KCNN3: variants seen among roughly 807,000 people sequenced by gnomAD.
KCNN3 encodes small conductance calcium-activated potassium channel protein 3.
Under a neutral mutation model 62.9 loss-of-function variants are expected in KCNN3, and 16 were observed. The ratio of observed to expected loss-of-function variants is 0.25; its 90% CI spans 0.17 to 0.39. KCNN3 has a LOEUF of 0.39. Ranked by LOEUF, KCNN3 falls within the 10% of genes least tolerant of loss-of-function variation. The pLI is 1.00. For missense variants in KCNN3, 599 were observed against 949.4 expected (o/e 0.63, Z 4.85); for synonymous variants, 370 against 389.2 (o/e 0.95, Z 0.58).
chr1:154,798,347 A>C (rs1649815078), intron 2 of KCNN3, among the ~76,000 whole-genome samples: 1 of 152,250 alleles, frequency 6.6e-6, no homozygotes, highest in Non-Finnish European at 1.5e-5. Flanking sequence ...GCTCAGGAAC[A>C]TCATTATCCC....
Position 154,756,518 on chromosome 1 carries a change from C to T in KCNN3, c.1448+15457G>A, listed in dbSNP as rs562652515. Among the ~76,000 whole-genome samples the T allele has an allele frequency of 3.7e-3, 558 of 152,078 alleles. 2 individuals are homozygous for T. The highest frequency in any genetic ancestry group is 0.013 in the African/African-American group (540 of 41,470). On this transcript the variant is annotated intron_variant, in intron 3 of 7. Coordinates refer to ENST00000271915, the MANE Select transcript of KCNN3 (RefSeq NM_002249.6). ...CATCTGTTTACTCTCCTTCCAGTGA[C>T]TCCTTCCCCCCGGCTCCTTGCCAGC...
intron 2 of KCNN3, among the ~76,000 whole-genome samples, chr1:154,816,116 T>G (rs1650652660): frequency 6.6e-6 from 1 of 152,238 alleles, no homozygotes; most frequent in Non-Finnish European, 1.5e-5. Flanking sequence ...ATATACCTAA[T>G]AAATTAAAAG....
At chr1:154,801,203 T>C (rs1276194706) in intron 2 of KCNN3, among the ~76,000 whole-genome samples, 2 of 152,118 alleles carry the variant, frequency 1.3e-5, no homozygotes, top group South Asian at 2.1e-4. Context: ...CTGCTTCTTT[T>C]CTCACTGTCC....
At chr1:154,800,916 G>A (rs1435414144) in intron 2 of KCNN3, among the ~76,000 whole-genome samples, 1 of 152,004 alleles carries the variant, frequency 6.6e-6, no homozygotes, top group African/African-American at 2.4e-5. Flanking sequence ...ATGATTGTGC[G>A]CGCCTGTAGT....
chr1:154,807,342 C>T lies in KCNN3; in HGVS notation c.1029+14747G>A, dbSNP rs184769304. ...CTGGGGCAAGTCATTCCCTCTACAG[C>T]GCCAGCTGCTCCTTCCCAAGCCACG... On this transcript the variant is annotated intron_variant, in intron 2 of 7. Transcript: ENST00000271915. Among the ~76,000 whole-genome samples the T allele has an allele frequency of 5.3e-4, 80 of 152,324 alleles. 1 individual carries two copies. The South Asian group carries it at 0.013, about 24-fold the overall frequency.
intron 2 of KCNN3, among the ~76,000 whole-genome samples, chr1:154,792,786 T>C (rs1057409667): frequency 6.6e-6 from 1 of 152,220 alleles, no homozygotes; most frequent in African/African-American, 2.4e-5. Context: ...GATTGACCTA[T>C]ATGGGCTCCG....
chr1:154,763,887 T>C (rs902541195), intron 3 of KCNN3, among the ~76,000 whole-genome samples: 2 of 152,256 alleles, frequency 1.3e-5, no homozygotes, highest in Non-Finnish European at 2.9e-5. Flanking sequence ...AAAATTCAGA[T>C]TATCAATCTC....
Position 154,704,613 on chromosome 1 carries a change from C to A in KCNN3, c.*3363G>T, listed in dbSNP as rs1699929145. 1 of 152,000 alleles carries A rather than the reference C, an allele frequency of 6.6e-6. No individual in the cohort carries two copies. Among genetic ancestry groups the A allele is most frequent in the African/African-American group, 2.4e-5 (1 of 41,352 alleles). The allele number at this position is 152,000 out of a possible 1,614,324, so 9.4% of individuals were successfully genotyped here. On this transcript the variant is annotated 3_prime_UTR_variant, in exon 8 of 8. Transcript: ENST00000271915. ...GGTTCTGTATTTCTAATTCAAGTGT[C>A]TAGATATTTTAGGAATATTAGAGTG...
At chr1:154,843,956 G>T (rs1174900816) in intron 1 of KCNN3, among the ~76,000 whole-genome samples, 1 of 152,148 alleles carries the variant, frequency 6.6e-6, no homozygotes, top group Non-Finnish European at 1.5e-5. Context: ...CCCCTGCCTC[G>T]GTGACTGCCC....
rs762538924 is a variant in KCNN3 at position 154,809,854 on chromosome 1, A to G, written c.1029+12235T>C. ...GGGGTTTTAGTAAATATTCAATTCA[A>G]TATAAACTAACAGGCTACCATGAAA... On this transcript the variant is annotated intron_variant, in intron 2 of 7. Transcript: ENST00000271915. The surrounding 1 kb of genome is among the most constrained non-coding windows in gnomAD (Gnocchi z 4.3). 7.9e-5 allele frequency among the ~76,000 whole-genome samples: 12 copies of G among 152,220 alleles called. No homozygotes were observed. The highest frequency in any genetic ancestry group is 1.5e-4 in the Non-Finnish European group (10 of 68,042).
chr1:154,732,930 A>G (rs1557947511), intron 4 of KCNN3, 73 bp downstream of exon 4: 3 of 1,566,784 alleles, frequency 1.9e-6, no homozygotes, highest in Non-Finnish European at 1.8e-6. Context: ...GAAGGCCCCT[A>G]TGTGCTTGCA....
intron 3 of KCNN3, among the ~76,000 whole-genome samples, chr1:154,748,290 C>G (rs553263039): frequency 2.0e-5 from 3 of 152,142 alleles, no homozygotes; most frequent in East Asian, 1.9e-4. Flanking sequence ...GTCTGCCGCC[C>G]GCGCCTGCAA....
chr1:154,723,834 G>A (rs1571212913), intron 5 of KCNN3, among the ~76,000 whole-genome samples: 1 of 152,300 alleles, frequency 6.6e-6, no homozygotes, highest in East Asian at 1.9e-4. Context: ...ATAGATGCAA[G>A]TGGATTTGCA....
At chr1:154,709,134 C>T (rs1353033550) in intron 7 of KCNN3, among the ~76,000 whole-genome samples, 2 of 152,164 alleles carry the variant, frequency 1.3e-5, no homozygotes, top group Admixed American at 6.5e-5. Context: ...GGGTGCCGGC[C>T]GATTACCAGT....
In KCNN3 at chr1:154,719,705, G is replaced by T. The variant is rs184222049; in HGVS notation, c.1702-4702C>A. Among the ~76,000 whole-genome samples the T allele has an allele frequency of 5.9e-5, 9 of 152,188 alleles. No homozygotes were observed. In the East Asian group the frequency reaches 1.5e-3, roughly 26 times the overall value. On this transcript the variant is annotated intron_variant, in intron 5 of 7. Coordinates refer to ENST00000271915, the MANE Select transcript of KCNN3 (RefSeq NM_002249.6). ...ACACACAGGACTAGAGAAGGGGGCT[G>T]GTTCCTCTTTCCCATTTGCCAAGCC... is the stretch of plus-strand genomic sequence containing the variant.
chr1:154,776,494 G>A (rs112685825), intron 2 of KCNN3, among the ~76,000 whole-genome samples: 3 of 152,148 alleles, frequency 2.0e-5, no homozygotes, highest in Non-Finnish European at 4.4e-5. Flanking sequence ...ACAGGGCTCC[G>A]CTGCAAGGTT....
intron 2 of KCNN3, among the ~76,000 whole-genome samples, chr1:154,781,345 T>A (rs1272557774): frequency 1.3e-5 from 2 of 152,230 alleles, no homozygotes; most frequent in Non-Finnish European, 2.9e-5. Context: ...GTGTGGCAAG[T>A]CTCTGGACCT....
chr1:154,739,570 C>T (rs1015135024), intron 3 of KCNN3, among the ~76,000 whole-genome samples: 4 of 152,236 alleles, frequency 2.6e-5, no homozygotes, highest in African/African-American at 7.2e-5. Flanking sequence ...AAAATGACCT[C>T]GATATCCCCC....
At chr1:154,742,092 G>A (rs1700833474) in intron 3 of KCNN3, among the ~76,000 whole-genome samples, 1 of 152,164 alleles carries the variant, frequency 6.6e-6, no homozygotes, top group Non-Finnish European at 1.5e-5. Flanking sequence ...TGCCTCCTTG[G>A]CTTCATGCTC....
Sources: gnomAD v4.1 joint callset for allele counts (sites outside exome capture counted in the v4.1 genomes callset) on GRCh38, gnomAD v4.1.1 for gene constraint, Gnocchi (gnomAD v3.1) non-coding constraint, MANE v1.5 for transcripts, NCBI Gene and HGNC (gene_info 2026-07-23, HGNC 2026-07-21) for gene names.